MSN: variants seen among roughly 807,000 people sequenced by gnomAD.
The protein encoded by MSN is moesin, also known as epididymis luminal protein 70.
Under a neutral mutation model 48.0 loss-of-function variants are expected in MSN, and 2 were observed. The observed-to-expected ratio is 0.04, with a 90% confidence interval of 0.02 to 0.13. MSN has a LOEUF of 0.13. MSN is among the 10% of genes least tolerant of loss of function. The probability of loss-of-function intolerance (pLI) is 1.00; values close to 1 mark genes in which losing one functional copy is unlikely to be tolerated. For missense variants in MSN, 267 were observed against 470.1 expected, an observed-to-expected ratio of 0.57 and a Z score of 3.99; for synonymous variants, 146 against 166.9, an observed-to-expected ratio of 0.87 and a Z score of 0.97.
Position 65,729,424 on chromosome X carries a change from C to T in MSN, c.193-14C>T, listed in dbSNP as rs1215122427. The T allele has an allele frequency of 1.1e-5, 13 of 1,205,482 alleles. No homozygotes were observed. Among genetic ancestry groups the T allele is most frequent in the Non-Finnish European group, 1.5e-5 (13 of 892,974 alleles). ...ACCTATTTTTTGAGAGTCCATAACCCTTACTCTTCCCAGGTGACTGCCCAG... is the reference window on the plus strand; with the variant it reads ...ACCTATTTTTTGAGAGTCCATAACCTTTACTCTTCCCAGGTGACTGCCCAG... On this transcript the variant is annotated splice_polypyrimidine_tract_variant and intron_variant, in intron 3 of 12. Transcript: ENST00000360270.
chrX:65,707,442 C>T (rs1451022286), intron 1 of MSN, among the ~76,000 whole-genome samples: 1 of 112,046 alleles, frequency 8.9e-6, no homozygotes, highest in Admixed American at 9.5e-5. Flanking sequence ...TTCCTTCAAA[C>T]CTTAATGTTC....
chrX:65,657,169 A>T (rs1467741964), intron 1 of MSN, among the ~76,000 whole-genome samples: 1 of 111,600 alleles, frequency 9.0e-6, no homozygotes, highest in African/African-American at 3.3e-5. Context: ...TTGGTGACTG[A>T]TGGCAGGGGT....
At chrX:65,715,086 C>T (rs1315924104) in intron 1 of MSN, among the ~76,000 whole-genome samples, 2 of 111,366 alleles carry the variant, frequency 1.8e-5, no homozygotes, top group Admixed American at 1.9e-4. Flanking sequence ...AGTCCTTTTT[C>T]CATTGCTTGT....
chrX:65,602,476 A>G (rs1052224364), intron 1 of MSN, among the ~76,000 whole-genome samples: 3 of 110,923 alleles, frequency 2.7e-5, no homozygotes, highest in African/African-American at 6.6e-5. Flanking sequence ...CGATATAATT[A>G]TGGAGGAATG....
At chrX:65,651,227 C>G (rs1276209446) in intron 1 of MSN, among the ~76,000 whole-genome samples, 1 of 108,382 alleles carries the variant, frequency 9.2e-6, no homozygotes, top group Non-Finnish European at 1.9e-5. Flanking sequence ...TTGAGACCAG[C>G]CTTGCCAACA....
rs540021945 is a variant in MSN at position 65,603,480 on chromosome X, T to C, written c.-22+14868T>C. 2.2e-4 allele frequency among the ~76,000 whole-genome samples: 25 copies of C among 111,826 alleles called. No individual in the cohort carries two copies. In the South Asian group the frequency reaches 4.8e-3, roughly 22 times the overall value. ...AGGTTAGGTAACTTGCCTAAGGTCATGCACCTGGAAATGACAGATCCAGGT... is the reference window on the plus strand; with the variant it reads ...AGGTTAGGTAACTTGCCTAAGGTCACGCACCTGGAAATGACAGATCCAGGT... On this transcript the variant is annotated intron_variant, in intron 1 of 3. Transcript: ENST00000609672.
Position 65,739,918 on chromosome X carries a change from C to T in MSN, c.*25C>T. 2.5e-6 allele frequency: 3 copies of T among 1,193,362 alleles called. No homozygotes were observed. The highest frequency in any genetic ancestry group is 3.4e-6 in the Non-Finnish European group (3 of 885,072). On this transcript the variant is annotated 3_prime_UTR_variant, in exon 13 of 13. Coordinates refer to ENST00000360270, the MANE Select transcript of MSN (RefSeq NM_002444.3). ...ATGGGCACCCAGCCTCTAGGGACCC[C>T]TCCTCCCTTTTTCCTTGTCCCCACA...
intron 1 of MSN, among the ~76,000 whole-genome samples, chrX:65,669,618 T>C (rs2070910597): frequency 9.0e-6 from 1 of 111,345 alleles, no homozygotes; most frequent in African/African-American, 3.3e-5. Context: ...ACCTAAATAC[T>C]GAAGGCATTT....
intron 1 of MSN, among the ~76,000 whole-genome samples, chrX:65,688,115 A>G (rs971299698): frequency 8.9e-6 from 1 of 112,532 alleles, no homozygotes; most frequent in Non-Finnish European, 1.9e-5. Flanking sequence ...CCAGTGTCCA[A>G]GTAATGATAA....
At chrX:65,680,467 C>A (rs2071043616) in intron 1 of MSN, among the ~76,000 whole-genome samples, 1 of 111,869 alleles carries the variant, frequency 8.9e-6, no homozygotes, top group Non-Finnish European at 1.9e-5. Context: ...AATTTAAAAC[C>A]ATTCTCCTTT....
intron 1 of MSN, among the ~76,000 whole-genome samples, chrX:65,687,810 C>G (rs2071130278): frequency 9.0e-6 from 1 of 111,327 alleles, no homozygotes; most frequent in African/African-American, 3.3e-5. Context: ...CAGGGAGAGT[C>G]GAGTAGTTCT....
At chrX:65,679,251 G>A (rs2071031518) in intron 1 of MSN, among the ~76,000 whole-genome samples, 1 of 111,893 alleles carries the variant, frequency 8.9e-6, no homozygotes, top group South Asian at 3.7e-4. Flanking sequence ...TCAGGGAAAG[G>A]GAAGACAAAG....
At chrX:65,715,281 T>TAGGATTGCCATGG (rs749618194) in intron 1 of MSN, among the ~76,000 whole-genome samples, 29 of 112,097 alleles carry the variant, frequency 2.6e-4, no homozygotes, top group African/African-American at 8.8e-4. Flanking sequence ...TCTTTTTGCT[T>TAGGATTGCCATGG]AGGATTGCCA....
At chrX:65,633,731 C>T (rs2070576877) in intron 1 of MSN, among the ~76,000 whole-genome samples, 4 of 112,370 alleles carry the variant, frequency 3.6e-5, no homozygotes, top group South Asian at 3.7e-4. Flanking sequence ...GCATGTCAGC[C>T]TTCAATGGTC....
intron 1 of MSN, among the ~76,000 whole-genome samples, chrX:65,615,191 A>G (rs1208261119): frequency 9.1e-6 from 1 of 110,312 alleles, no homozygotes; most frequent in Non-Finnish European, 1.9e-5. Flanking sequence ...TTATAGCAGC[A>G]TGATTTATAG....
Position 65,741,331 on chromosome X carries a change from G to T in MSN, c.*1438G>T. On this transcript the variant is annotated 3_prime_UTR_variant, in exon 13 of 13. Transcript: ENST00000360270. The stretch of plus-strand genomic sequence containing the variant: ...CTAAATATTGATTTCTGCCTTCCTT[G>T]CTAATGCACCATTAGAAGATATTAG... The T allele has an allele frequency of 6.0e-6, 1 of 167,401 alleles. No homozygotes were observed. Among genetic ancestry groups the T allele is most frequent in the Admixed American group, 8.0e-5 (1 of 12,533 alleles). 13.8% of individuals were successfully genotyped at this position (167,401 alleles called of 1,213,427 possible).
chrX:65,608,608 A>G (rs1199788947), intron 1 of MSN, among the ~76,000 whole-genome samples: 1 of 111,038 alleles, frequency 9.0e-6, no homozygotes, highest in Non-Finnish European at 1.9e-5. Flanking sequence ...TGAGACATGT[A>G]AGGGGAAAAT....
intron 1 of MSN, among the ~76,000 whole-genome samples, chrX:65,637,343 G>A (rs1447015518): frequency 3.8e-5 from 4 of 106,173 alleles, no homozygotes; most frequent in Non-Finnish European, 5.8e-5. Flanking sequence ...TGGAGGTTGC[G>A]GTGAGCCGAG....
At chrX:65,617,183 C>T (rs1174909552) in intron 1 of MSN, among the ~76,000 whole-genome samples, 1 of 105,128 alleles carries the variant, frequency 9.5e-6, no homozygotes. Context: ...TTTGTTGTGT[C>T]TGTGCCTGGC....
Sources: gnomAD v4.1 joint callset for allele counts (sites outside exome capture counted in the v4.1 genomes callset) on GRCh38, gnomAD v4.1.1 for gene constraint, MANE v1.5 for transcripts, NCBI Gene and HGNC (gene_info 2026-07-23, HGNC 2026-07-21) for gene names.